The following FLRT1 variants were observed in gnomAD, a reference collection of about 807,000 sequenced individuals.
FLRT1 encodes leucine-rich repeat transmembrane protein FLRT1.
In FLRT1, 14 loss-of-function variants were observed where a neutral mutation model predicts 30.9. The ratio of observed to expected loss-of-function variants is 0.45; its 90% CI spans 0.30 to 0.71. The LOEUF (loss-of-function observed/expected upper bound fraction) is 0.71. FLRT1 is among the 30% of genes least tolerant of loss of function. FLRT1 has a pLI of 0.08. For missense variants in FLRT1, 737 were observed against 949.2 expected (o/e 0.78, Z 2.94); for synonymous variants, 368 against 430.4 (o/e 0.85, Z 1.80).
At position 64,103,740 on chromosome 11, in the gene FLRT1, G is replaced by C. The variant is rs1944711002; in HGVS notation, c.-491G>C. 1.3e-5 allele frequency: 2 copies of C among 152,314 alleles called. No homozygotes were observed. Among genetic ancestry groups the C allele is most frequent in the Admixed American group, 1.3e-4 (2 of 15,292 alleles). 9.4% of individuals were successfully genotyped at this position (152,314 alleles called of 1,614,324 possible). A position where few individuals can be genotyped will look rare whatever the true frequency, so the allele number is the denominator to read the frequency against. On this transcript the variant is annotated 5_prime_UTR_variant, in exon 2 of 3. Coordinates refer to ENST00000682287, the MANE Select transcript of FLRT1 (RefSeq NM_013280.5). ...CCACCCTGCTCAGGGCTGGGTGCCA[G>C]GCCACAGGGCATGCCCGACGAACAG...
At chr11:64,069,388 G>GAGCC (rs1944064584) in intron 1 of FLRT1, among the ~76,000 whole-genome samples, 1 of 152,206 alleles carries the variant, frequency 6.6e-6, no homozygotes, top group Admixed American at 6.5e-5. Context: ...AAAGCCCCAG[G>GAGCC]AGCCAGACCT....
rs1217212719 is a variant in FLRT1 at position 64,090,235 on chromosome 11, C to A, written c.-1037-12959C>A. ...ACAGGGTGTGGGAAAGGCCAACGGG[C>A]GTGTGGGTCTCCAGCCTTTGCTCAT... On this transcript the variant is annotated intron_variant, in intron 1 of 2. Coordinates refer to ENST00000682287, the MANE Select transcript of FLRT1 (RefSeq NM_013280.5). This position sits in a 1 kb window ranked among gnomAD's most constrained non-coding sequence, Gnocchi z 4.7. Among the ~76,000 whole-genome samples the A allele has an allele frequency of 2.0e-5, 3 of 152,138 alleles. No homozygotes were observed. The highest frequency in any genetic ancestry group is 4.4e-5 in the Non-Finnish European group (3 of 68,012).
intron 2 of FLRT1, among the ~76,000 whole-genome samples, chr11:64,108,912 G>A (rs1326515751): frequency 6.6e-6 from 1 of 152,200 alleles, no homozygotes; most frequent in African/African-American, 2.4e-5. Context: ...CAGGCCACAT[G>A]GGCAGCCAGA....
chr11:64,116,284 C>G lies in FLRT1; in HGVS notation c.17C>G (p.Pro6Arg), dbSNP rs777092995. 1.9e-6 allele frequency: 3 copies of G among 1,598,782 alleles called. No individual in the cohort carries two copies. The highest frequency in any genetic ancestry group is 2.6e-6 in the Non-Finnish European group (3 of 1,175,342). ...CCATCCACCATGGTGGTGGCACACC[C>G]CACCGCCACTGCCACCACCACGCCC... The part of the protein sequence containing the change: MVVAH[P>R]TATATTTPTA... Residue 6 changes from proline (P) to arginine (R), a missense_variant, in exon 3 of 3, where the codon CCC (proline) becomes CGC (arginine). Pro to Arg is a moderately radical substitution (Grantham distance 103). Transcript: ENST00000682287.
chr11:64,082,648 C>A lies in FLRT1; in HGVS notation c.-1037-20546C>A, dbSNP rs981652134. Reference sequence around the variant, plus strand: ...CAGGCACCAGGTGGGAGGGTGGGGACCCCCAGCCTGGAGCCCCAGACCCCT... The same window carrying A: ...CAGGCACCAGGTGGGAGGGTGGGGAACCCCAGCCTGGAGCCCCAGACCCCT... On this transcript the variant is annotated intron_variant, in intron 1 of 2. Coordinates refer to ENST00000682287, the MANE Select transcript of FLRT1 (RefSeq NM_013280.5). This position sits in a 1 kb window ranked among gnomAD's most constrained non-coding sequence, Gnocchi z 4.5. Among the ~76,000 whole-genome samples the A allele has an allele frequency of 4.6e-5, 7 of 152,038 alleles. No individual in the cohort carries two copies. Among genetic ancestry groups the A allele is most frequent in the Non-Finnish European group, 5.9e-5 (4 of 67,976 alleles).
At chr11:64,107,504 A>G (rs1266849894) in intron 2 of FLRT1, among the ~76,000 whole-genome samples, 2 of 152,100 alleles carry the variant, frequency 1.3e-5, no homozygotes, top group Admixed American at 6.6e-5. Context: ...CAGCCGGCCT[A>G]TGTGGTTAGG....
At chr11:64,107,173 G>A (rs988677398) in intron 2 of FLRT1, among the ~76,000 whole-genome samples, 10 of 151,980 alleles carry the variant, frequency 6.6e-5, no homozygotes, top group Non-Finnish European at 1.5e-4. Flanking sequence ...GAGCCAACTT[G>A]CCCAGCCCAC....
At chr11:64,075,591 T>TC (rs1370888298) in intron 1 of FLRT1, among the ~76,000 whole-genome samples, 2 of 152,220 alleles carry the variant, frequency 1.3e-5, no homozygotes, top group African/African-American at 4.8e-5. Context: ...CAGATCCTTG[T>TC]CCCATTCCAT....
At chr11:64,049,783 T>C (rs1943655864) in intron 1 of FLRT1, among the ~76,000 whole-genome samples, 1 of 152,182 alleles carries the variant, frequency 6.6e-6, no homozygotes, top group South Asian at 2.1e-4. Context: ...CGCCAGCCTG[T>C]GGGGGACCCA....
intron 2 of FLRT1, among the ~76,000 whole-genome samples, chr11:64,107,054 T>G (rs1028225275): frequency 6.6e-6 from 1 of 152,166 alleles, no homozygotes; most frequent in Non-Finnish European, 1.5e-5. Context: ...CAGCTAATTT[T>G]TGTATTTTTA....
At chr11:64,089,173 G>A (rs972473531) in intron 1 of FLRT1, among the ~76,000 whole-genome samples, 3 of 152,182 alleles carry the variant, frequency 2.0e-5, no homozygotes, top group African/African-American at 2.4e-5. Context: ...AGGGCGGGTC[G>A]GGGAGTGATC....
At chr11:64,114,055 C>CATGG (rs61724501) in intron 2 of FLRT1, among the ~76,000 whole-genome samples, 3,396 of 98,080 alleles carry the variant, frequency 0.035, 54 homozygotes, top group African/African-American at 0.043. Context: ...TGGGTTGATG[C>CATGG]ATGGATGGAT....
rs565718866 is a variant in FLRT1, at chr11:64,072,942, G to A, written c.-1037-30252G>A. 3.3e-5 allele frequency among the ~76,000 whole-genome samples: 5 copies of A among 152,258 alleles called. No homozygotes were observed. The East Asian group carries it at 9.7e-4, about 29-fold the overall frequency. ...TTCTCAAGGTGACCTTCCCCAAAGTGGAACCCTCTGATCTGTTCTAACTGC... is the reference window on the plus strand; with the variant it reads ...TTCTCAAGGTGACCTTCCCCAAAGTAGAACCCTCTGATCTGTTCTAACTGC... On this transcript the variant is annotated intron_variant, in intron 1 of 2. Coordinates refer to ENST00000682287, the MANE Select transcript of FLRT1 (RefSeq NM_013280.5).
chr11:64,041,423 G>T (rs543186947), intron 1 of FLRT1, among the ~76,000 whole-genome samples: 1 of 152,042 alleles, frequency 6.6e-6, no homozygotes, highest in East Asian at 1.9e-4. Flanking sequence ...GAACCAGGAG[G>T]GGCTTTTCCT....
At chr11:64,070,312 T>C (rs1944083234) in intron 1 of FLRT1, among the ~76,000 whole-genome samples, 2 of 152,094 alleles carry the variant, frequency 1.3e-5, no homozygotes, top group Non-Finnish European at 2.9e-5. Flanking sequence ...AGCCTCCTCA[T>C]GTTCCCTGGG....
At chr11:64,097,802 C>G (rs574329988) in intron 1 of FLRT1, among the ~76,000 whole-genome samples, 1 of 152,190 alleles carries the variant, frequency 6.6e-6, no homozygotes, top group Admixed American at 6.5e-5. Context: ...CCTCCAGAGG[C>G]CTTCCTGCTC....
At chr11:64,097,154 GA>G in intron 1 of FLRT1, among the ~76,000 whole-genome samples, 1 of 152,224 alleles carries the variant, frequency 6.6e-6, no homozygotes, top group Non-Finnish European at 1.5e-5. Flanking sequence ...TTCAGCTAGG[GA>G]ACCCTCCCCC....
At chr11:64,037,447 G>C (rs923643781) in intron 1 of FLRT1, among the ~76,000 whole-genome samples, 4 of 152,224 alleles carry the variant, frequency 2.6e-5, no homozygotes, top group African/African-American at 4.8e-5. Context: ...TCACCTGTCA[G>C]CTGGTGCTGA....
rs765128867 is a variant in FLRT1, at chr11:64,118,233, G to A, written c.1966G>A (p.Gly656Ser). Residue 656 changes from glycine to serine, a missense_variant, in exon 3 of 3, where the codon GGC (glycine) becomes AGC (serine). By Grantham distance (56) the Gly-to-Ser change is moderately conservative. Coordinates refer to ENST00000682287, the MANE Select transcript of FLRT1 (RefSeq NM_013280.5). The part of the protein sequence containing the change: ...LCKATHTIGY[G>S]TTRGYRDGGI... The stretch of plus-strand genomic sequence containing the variant: ...CAAGGCCACACACACCATTGGCTAC[G>A]GCACCACGCGGGGCTACCGGGACGG... The A allele has an allele frequency of 7.5e-6, 12 of 1,610,518 alleles. No individual in the cohort carries two copies. Among genetic ancestry groups the A allele is most frequent in the African/African-American group, 1.3e-5 (1 of 75,030 alleles).
Sources: allele counts gnomAD v4.1 joint callset (sites outside exome capture counted in the v4.1 genomes callset), GRCh38; gene constraint gnomAD v4.1.1; non-coding constraint Gnocchi (gnomAD v3.1); transcripts MANE v1.5; gene names NCBI Gene and HGNC (gene_info 2026-07-23, HGNC 2026-07-21).